SOCS5: variants seen among roughly 807,000 people sequenced by gnomAD.
SOCS5 encodes the protein suppressor of cytokine signaling 5, also known as CIS-6.
SOCS5 carries 32 observed loss-of-function variants against 42.8 expected under a neutral mutation model. The observed-to-expected ratio is 0.75, with a 90% CI of 0.56 to 1.01. The LOEUF is 1.01. Among genes scored for constraint, SOCS5 ranks in the 50% least tolerant of loss-of-function variants. The pLI is 0.00. For synonymous variants in SOCS5, 283 were observed against 229.6 expected (o/e 1.23, Z -2.10); for missense variants, 627 against 653.0 (o/e 0.96, Z 0.43).
intron 1 of SOCS5, among the ~76,000 whole-genome samples, chr2:46,738,618 T>C (rs776329256): frequency 3.3e-5 from 5 of 152,110 alleles, no homozygotes; most frequent in Non-Finnish European, 7.4e-5. Context: ...TGGACCCAAG[T>C]GTGTTTCCCA....
intron 1 of SOCS5, among the ~76,000 whole-genome samples, chr2:46,757,316 G>A (rs1193291131): frequency 1.3e-5 from 2 of 152,088 alleles, no homozygotes; most frequent in Non-Finnish European, 2.9e-5. Flanking sequence ...TTTAAGTTTA[G>A]GTTTTTCCAT....
Position 46,759,304 on chromosome 2 carries a change from A to G in SOCS5, c.774A>G (p.Glu258=). ...TTGATCCATCTTTGGTTTCTACAGA[A>G]GATGAAGAAGATAGGCTTAGAGAGA... ...DTFDPSLVST[E]DEEDRLRERR... is the part of the protein sequence containing the mutation. The change falls in exon 2 of 2, where the codon GAA becomes GAG. Residue 258 remains glutamate (E), a synonymous_variant. Transcript: ENST00000394861. 6.2e-6 allele frequency: 10 copies of G among 1,614,016 alleles called. No homozygotes were observed. Among genetic ancestry groups the G allele is most frequent in the Non-Finnish European group, 8.5e-6 (10 of 1,179,842 alleles).
At chr2:46,717,056 C>T (rs998147076) in intron 1 of SOCS5, among the ~76,000 whole-genome samples, 1 of 152,172 alleles carries the variant, frequency 6.6e-6, no homozygotes, top group African/African-American at 2.4e-5. Context: ...CTTTGTGTAG[C>T]CTCATGGAGT....
chr2:46,746,840 C>T (rs528196429), intron 1 of SOCS5, among the ~76,000 whole-genome samples: 1 of 150,894 alleles, frequency 6.6e-6, no homozygotes, highest in Non-Finnish European at 1.5e-5. Flanking sequence ...TTTTAAGATT[C>T]CTTAGGGTTT....
chr2:46,759,520 C>G lies in SOCS5; in HGVS notation c.990C>G (p.Thr330=). Residue 330 remains threonine (T), a synonymous_variant, in exon 2 of 2, where the codon ACC becomes ACG. Coordinates refer to ENST00000394861, the MANE Select transcript of SOCS5 (RefSeq NM_144949.3). Reference sequence around the variant, plus strand: ...GTGACTCGGAAGAGGATACAACCACCCTGTGTTTGCAGTCACGGAGGCAGA... The same window carrying G: ...GTGACTCGGAAGAGGATACAACCACGCTGTGTTTGCAGTCACGGAGGCAGA... ...ANCDSEEDTT[T]LCLQSRRQKQ... The G allele has an allele frequency of 4.3e-6, 7 of 1,613,964 alleles. No homozygotes were observed. Among genetic ancestry groups the G allele is most frequent in the Non-Finnish European group, 5.9e-6 (7 of 1,179,872 alleles).
At position 46,708,054 on chromosome 2, in the gene SOCS5, CTGTT is replaced by C. The variant is rs144379565; in HGVS notation, c.-13+8609_-13+8612del. Among the ~76,000 whole-genome samples the C allele has an allele frequency of 3.2e-4, 48 of 152,268 alleles. 1 individual carries two copies. In the East Asian group the frequency reaches 7.9e-3, roughly 25 times the overall value. On this transcript the variant is annotated intron_variant, in intron 1 of 1. Transcript: ENST00000394861. ...GTTTAACCAAATTGTAAGTCAGAGA[CTGTT>C]TGTAATACACATGGCAAGGTGAGTG... is the stretch of plus-strand genomic sequence containing the variant.
intron 1 of SOCS5, among the ~76,000 whole-genome samples, chr2:46,737,265 C>G (rs932346436): frequency 6.6e-6 from 1 of 152,098 alleles, no homozygotes; most frequent in East Asian, 1.9e-4. Context: ...GTGAGAGACA[C>G]AGGACAGTAC....
intron 1 of SOCS5, among the ~76,000 whole-genome samples, chr2:46,755,437 C>T (rs1259419439): frequency 6.6e-6 from 1 of 152,034 alleles, no homozygotes; most frequent in African/African-American, 2.4e-5. Flanking sequence ...AGAATTTGAC[C>T]TAATTTTCCA....
chr2:46,738,822 A>C (rs1160565832), intron 1 of SOCS5, among the ~76,000 whole-genome samples: 1 of 152,242 alleles, frequency 6.6e-6, no homozygotes, highest in Admixed American at 6.5e-5. Context: ...GAAGTTCATC[A>C]ATCACATCCA....
In SOCS5 at chr2:46,758,656, GA is replaced by G; in HGVS notation, c.131del (p.Asn44ThrfsTer4). The G allele has an allele frequency of 6.2e-7, 1 of 1,614,118 alleles. No individual in the cohort carries two copies. The highest frequency in any genetic ancestry group is 8.5e-7 in the Non-Finnish European group (1 of 1,180,000). On this transcript the variant is annotated frameshift_variant, in exon 2 of 2. Transcript: ENST00000394861. LOFTEE classifies it high-confidence loss of function. ...CCAACAGATGTTTGTCTGTCAAAGA[GA>G]AAAACATCAGCATAGGAGACTCAAC... ...NSNRCLSVKE[K>X]NISIGDSTPQ... is the part of the protein sequence containing the mutation.
chr2:46,730,894 G>T (rs1457298614), intron 1 of SOCS5, among the ~76,000 whole-genome samples: 4 of 152,026 alleles, frequency 2.6e-5, no homozygotes, highest in South Asian at 2.1e-4. Context: ...TACATTTTGG[G>T]GTCAGAAACA....
At chr2:46,718,667 C>T (rs1442585294) in intron 1 of SOCS5, among the ~76,000 whole-genome samples, 2 of 152,116 alleles carry the variant, frequency 1.3e-5, no homozygotes, top group Non-Finnish European at 2.9e-5. Flanking sequence ...AAAAACTGCT[C>T]AACCACAGAT....
At chr2:46,744,520 A>G (rs1411686438) in intron 1 of SOCS5, among the ~76,000 whole-genome samples, 1 of 151,910 alleles carries the variant, frequency 6.6e-6, no homozygotes, top group Non-Finnish European at 1.5e-5. Context: ...CTTTCAAAAT[A>G]ATAAAGACTT....
chr2:46,737,855 C>CT (rs1553337147), intron 1 of SOCS5, among the ~76,000 whole-genome samples: 1 of 148,566 alleles, frequency 6.7e-6, no homozygotes, highest in Non-Finnish European at 1.5e-5. Context: ...TCTGTCCTTT[C>CT]TAAAAAAAAA....
chr2:46,721,447 T>A (rs1405252331), intron 1 of SOCS5, among the ~76,000 whole-genome samples: 5 of 152,210 alleles, frequency 3.3e-5, no homozygotes, highest in Non-Finnish European at 7.3e-5. Flanking sequence ...TTGCACCAAA[T>A]TTTACATTTT....
intron 1 of SOCS5, among the ~76,000 whole-genome samples, chr2:46,706,279 A>G (rs1558398513): frequency 6.6e-6 from 1 of 152,362 alleles, no homozygotes; most frequent in East Asian, 1.9e-4. Flanking sequence ...TTCCCAAGTC[A>G]GCCCATGTGT....
At chr2:46,749,851 G>T (rs1349191996) in intron 1 of SOCS5, among the ~76,000 whole-genome samples, 1 of 152,146 alleles carries the variant, frequency 6.6e-6, no homozygotes. Context: ...GGCAGATACT[G>T]TACATAGGAA....
In SOCS5 at chr2:46,760,299, T is replaced by G; in HGVS notation, c.*158T>G. 1.6e-6 allele frequency: 1 copy of G among 615,796 alleles called. No homozygotes were observed. The highest frequency in any genetic ancestry group is 2.9e-6 in the Non-Finnish European group (1 of 342,370). 38.1% of individuals were successfully genotyped at this position (615,796 alleles called of 1,614,324 possible). A position where few individuals can be genotyped will look rare whatever the true frequency, so the allele number is the denominator to read the frequency against. The stretch of plus-strand genomic sequence containing the variant: ...TGCTACCTGCTGTTACTTATTCAGA[T>G]AAACATGGTGCCTATTGGAACAATA... On this transcript the variant is annotated 3_prime_UTR_variant, in exon 2 of 2. Coordinates refer to ENST00000394861, the MANE Select transcript of SOCS5 (RefSeq NM_144949.3).
chr2:46,730,630 T>C (rs910787833), intron 1 of SOCS5, among the ~76,000 whole-genome samples: 5 of 152,164 alleles, frequency 3.3e-5, no homozygotes, highest in African/African-American at 7.2e-5. Flanking sequence ...ATTTGGAGAA[T>C]GGGTCCTATT....
Sources: allele counts gnomAD v4.1 joint callset (sites outside exome capture counted in the v4.1 genomes callset), GRCh38; gene constraint gnomAD v4.1.1; transcripts MANE v1.5; gene names NCBI Gene and HGNC (gene_info 2026-07-23, HGNC 2026-07-21).